PLA2G5: variants seen among roughly 807,000 people sequenced by gnomAD.
PLA2G5 encodes Ca2+-dependent phospholipase A2.
A neutral mutation model predicts 15.9 loss-of-function variants in PLA2G5; 12 were observed. That is an observed-to-expected ratio of 0.76 (90% CI 0.48 to 1.23). The LOEUF is 1.23. PLA2G5 is among the 50% of genes most tolerant of loss of function. PLA2G5 has a pLI of 0.00. For synonymous variants in PLA2G5, 71 were observed against 71.4 expected, an observed-to-expected ratio of 0.99 and a Z score of 0.03; for missense variants, 169 against 177.1, an observed-to-expected ratio of 0.95 and a Z score of 0.26.
intron 1 of PLA2G5, chr1:20,046,172 C>T (rs1046720640): frequency 6.6e-6 from 1 of 152,162 alleles, no homozygotes; most frequent in Admixed American, 6.5e-5. Context: ...TTTGTCTTAT[C>T]TAAAGTCTAA....
upstream of PLA2G5, among the ~76,000 whole-genome samples, chr1:20,067,806 G>A (rs114124206): frequency 0.062 from 9,380 of 151,986 alleles, 404 homozygotes; most frequent in Admixed American, 0.13. Flanking sequence ...GGAAACTTAC[G>A]TGATAAAGAA....
In PLA2G5 at chr1:20,060,506, G is replaced by A. The variant is rs150726434; in HGVS notation, n.337+814G>A. ...GACCTCAGGTGATCTGCCTACCTCG[G>A]CCTCTCAAAGTGCTGGTATTACAGA... On this transcript the variant is annotated intron_variant and non_coding_transcript_variant, in intron 2 of 6. Coordinates refer to the PLA2G5 transcript ENST00000460175. 5.2e-3 allele frequency among the ~76,000 whole-genome samples: 795 copies of A among 151,978 alleles called. 9 individuals are homozygous for A. Among genetic ancestry groups the A allele is most frequent in the African/African-American group, 0.017 (690 of 41,472 alleles).
chr1:20,057,685 G>T (rs2014504340), intron 1 of PLA2G5, among the ~76,000 whole-genome samples: 2 of 152,088 alleles, frequency 1.3e-5, no homozygotes, highest in African/African-American at 2.4e-5. Context: ...TTTTAGTAGA[G>T]ATGGGGTTTC....
chr1:20,035,354 T>G (rs189903135), intron 1 of PLA2G5, among the ~76,000 whole-genome samples: 24 of 152,164 alleles, frequency 1.6e-4, no homozygotes, highest in African/African-American at 5.1e-4. Context: ...GGATGAGAGT[T>G]TTGGCCCTTT....
upstream of PLA2G5, among the ~76,000 whole-genome samples, chr1:20,066,639 T>A (rs1055856934): frequency 6.6e-6 from 1 of 152,222 alleles, no homozygotes; most frequent in Non-Finnish European, 1.5e-5. Flanking sequence ...TAGTTATAAC[T>A]TTTTTTATGT....
intron 1 of PLA2G5, among the ~76,000 whole-genome samples, chr1:20,039,009 A>G (rs1312648426): frequency 2.6e-5 from 4 of 152,118 alleles, no homozygotes; most frequent in African/African-American, 9.7e-5. Flanking sequence ...TTCCAGGTGT[A>G]GGTGCTTGGA....
intron 1 of PLA2G5, among the ~76,000 whole-genome samples, chr1:20,055,721 T>C (rs1362924328): frequency 6.6e-6 from 1 of 152,210 alleles, no homozygotes; most frequent in African/African-American, 2.4e-5. Flanking sequence ...ACTCTGTCTT[T>C]TAGATTTTTG....
Position 20,090,756 on chromosome 1 carries a change from T to A in PLA2G5, c.*64T>A. On this transcript the variant is annotated 3_prime_UTR_variant, in exon 5 of 5. Transcript: ENST00000375108. ...TCTGTTTTTCTACAACACAGAGTAC[T>A]GACTCTGCCTGGTTCCTGAGAGAGG... 6.5e-7 allele frequency: 1 copy of A among 1,536,290 alleles called. No individual in the cohort carries two copies. Among genetic ancestry groups the A allele is most frequent in the Non-Finnish European group, 9.0e-7 (1 of 1,111,364 alleles).
chr1:20,085,786 T>G (rs984500010), intron 2 of PLA2G5, among the ~76,000 whole-genome samples: 1 of 152,116 alleles, frequency 6.6e-6, no homozygotes, highest in Non-Finnish European at 1.5e-5. Flanking sequence ...AGCTGCTAAT[T>G]TGGGGTCCCC....
chr1:20,046,667 G>A (rs1449426389), intron 1 of PLA2G5, among the ~76,000 whole-genome samples: 4 of 152,148 alleles, frequency 2.6e-5, no homozygotes. Context: ...CTGTTTTCCT[G>A]TATTGAATGA....
At chr1:20,039,155 C>G (rs1478587348) in intron 1 of PLA2G5, among the ~76,000 whole-genome samples, 1 of 152,160 alleles carries the variant, frequency 6.6e-6, no homozygotes, top group Non-Finnish European at 1.5e-5. Context: ...GAGGCATTCC[C>G]CAGCATCTTG....
chr1:20,054,027 A>AAG (rs1348626794), intron 1 of PLA2G5, among the ~76,000 whole-genome samples: 1 of 152,238 alleles, frequency 6.6e-6, no homozygotes, highest in African/African-American at 2.4e-5. Flanking sequence ...GACTGCAAAC[A>AAG]AGATGCTGTT....
At chr1:20,088,484 C>A (rs2016406570) in intron 3 of PLA2G5, among the ~76,000 whole-genome samples, 3 of 146,064 alleles carry the variant, frequency 2.1e-5, no homozygotes. Flanking sequence ...TTTTTTTTTA[C>A]AATTAGTGAG....
chr1:20,082,961 T>C (rs375246919), intron 1 of PLA2G5, among the ~76,000 whole-genome samples: 2 of 152,006 alleles, frequency 1.3e-5, no homozygotes, highest in African/African-American at 2.4e-5. Flanking sequence ...CTGTTATTCA[T>C]TGAACAAGTG....
upstream of PLA2G5, among the ~76,000 whole-genome samples, chr1:20,067,918 T>A (rs1232800061): frequency 6.6e-6 from 1 of 152,032 alleles, no homozygotes; most frequent in Admixed American, 6.6e-5. Context: ...AAGGAGTTCG[T>A]GACCAGCCTC....
chr1:20,033,724 G>A (rs2013094868), intron 1 of PLA2G5, among the ~76,000 whole-genome samples: 1 of 152,132 alleles, frequency 6.6e-6, no homozygotes, highest in African/African-American at 2.4e-5. Flanking sequence ...ACAGAGTAAA[G>A]GGCTTGGTGG....
chr1:20,069,392 T>G (rs924397502), upstream of PLA2G5, among the ~76,000 whole-genome samples: 4 of 152,194 alleles, frequency 2.6e-5, no homozygotes, highest in African/African-American at 9.6e-5. Context: ...CCAGATTAAG[T>G]CTGGCCGTGG....
chr1:20,073,662 C>A (rs186439225), intron 1 of PLA2G5, among the ~76,000 whole-genome samples: 279 of 152,232 alleles, frequency 1.8e-3, no homozygotes, highest in Non-Finnish European at 2.8e-3. Flanking sequence ...GCAGGCAGAT[C>A]ATTTGAGGTT....
chr1:20,054,436 T>C (rs1263001255), intron 1 of PLA2G5, among the ~76,000 whole-genome samples: 1 of 152,186 alleles, frequency 6.6e-6, no homozygotes, highest in African/African-American at 2.4e-5. Context: ...TATTTTCTTT[T>C]AGCCTCTTCT....
Sources: gnomAD v4.1 joint callset for allele counts (sites outside exome capture counted in the v4.1 genomes callset) on GRCh38, gnomAD v4.1.1 for gene constraint, MANE v1.5 for transcripts, NCBI Gene and HGNC (gene_info 2026-07-23, HGNC 2026-07-21) for gene names.